NIBAN2: variants seen among roughly 807,000 people sequenced by gnomAD.
NIBAN2 encodes the protein protein Niban 2.
Under a neutral mutation model 81.8 loss-of-function variants are expected in NIBAN2, and 36 were observed. That is an observed-to-expected ratio of 0.44 (90% confidence interval 0.34 to 0.58). NIBAN2 has a LOEUF of 0.58. Ranked by LOEUF, NIBAN2 falls within the 20% of genes least tolerant of loss-of-function variation. NIBAN2 has a pLI of 0.02. For synonymous variants in NIBAN2, 445 were observed against 441.6 expected, an observed-to-expected ratio of 1.01 and a Z score of -0.10; for missense variants, 897 against 1,014.1, an observed-to-expected ratio of 0.88 and a Z score of 1.57.
In NIBAN2 at chr9:127,544,238, G is replaced by A. The variant is rs1837431775; in HGVS notation, c.56-12460C>T. Among the ~76,000 whole-genome samples, 3 of 152,164 alleles carry A rather than the reference G, an allele frequency of 2.0e-5. No homozygotes were observed. In the South Asian group the frequency reaches 6.2e-4, roughly 31 times the overall value. ...GGCGCTGGCCTTGGGAGAGGAGGGT[G>A]GGTTTCTCACAGAGACGGGTATTTC... On this transcript the variant is annotated intron_variant, in intron 1 of 13. Transcript: ENST00000373312.
At chr9:127,512,752 A>T (rs1052215880) in intron 8 of NIBAN2, among the ~76,000 whole-genome samples, 1 of 152,236 alleles carries the variant, frequency 6.6e-6, no homozygotes, top group Admixed American at 6.5e-5. Context: ...GACCTGCCTC[A>T]AATTTTCAGG....
rs753974754 is a variant in NIBAN2 at position 127,508,942 on chromosome 9, G to A, written c.1317+34C>T. 1 of 1,612,376 alleles carries A rather than the reference G, an allele frequency of 6.2e-7. No individual in the cohort carries two copies. The highest frequency in any genetic ancestry group is 8.5e-7 in the Non-Finnish European group (1 of 1,179,484). Reference sequence around the variant, plus strand: ...GGGGGCCTGTGGAAGGCAGTGGACAGGGTGTGGGGTGGGGGTCGTAGCCTC... The same window carrying A: ...GGGGGCCTGTGGAAGGCAGTGGACAAGGTGTGGGGTGGGGGTCGTAGCCTC... On this transcript the variant is annotated intron_variant, in intron 10 of 13. Transcript: ENST00000373312. This position sits in a 1 kb window ranked among gnomAD's most constrained non-coding sequence, Gnocchi z 6.4.
intron 9 of NIBAN2, chr9:127,509,814 T>TCCCTCTCCCCTCCTCTCCTTCCCTCTC (rs569036465): frequency 3.8e-5 from 2 of 52,072 alleles, no homozygotes; most frequent in African/African-American, 1.4e-4. Context: ...CTTCCCTCCT[T>TCCCTCTCCCCTCCTCTCCTTCCCTCTC]CCCTCCTCTC....
chr9:127,534,344 T>C (rs1837236363), intron 1 of NIBAN2, among the ~76,000 whole-genome samples: 1 of 152,160 alleles, frequency 6.6e-6, no homozygotes. Flanking sequence ...ATCCTCTCTA[T>C]AGTTCTGTGA....
chr9:127,536,029 G>A lies in NIBAN2; in HGVS notation c.56-4251C>T, dbSNP rs927986487. Among the ~76,000 whole-genome samples, 1 of 152,166 alleles carries A rather than the reference G, an allele frequency of 6.6e-6. No individual in the cohort carries two copies. The highest frequency in any genetic ancestry group is 6.5e-5 in the Admixed American group (1 of 15,286). On this transcript the variant is annotated intron_variant, in intron 1 of 13. Coordinates refer to ENST00000373312, the MANE Select transcript of NIBAN2 (RefSeq NM_022833.4). The surrounding 1 kb of genome is among the most constrained non-coding windows in gnomAD (Gnocchi z 4.0). ...ACCGGGAAGCCAGCTCCGCTCAGAA[G>A]AAGGGTGGCGACCACGGGAGAGCTA...
chr9:127,521,837 G>C (rs1564300610), intron 5 of NIBAN2, among the ~76,000 whole-genome samples: 1 of 152,166 alleles, frequency 6.6e-6, no homozygotes, highest in Non-Finnish European at 1.5e-5. Context: ...TCCCCACTGA[G>C]TGCTCACTGT....
chr9:127,511,955 G>A (rs1836744525), intron 8 of NIBAN2, among the ~76,000 whole-genome samples: 1 of 152,164 alleles, frequency 6.6e-6, no homozygotes, highest in Non-Finnish European at 1.5e-5. Context: ...AAATGCTAGC[G>A]AGGATGTGGA....
chr9:127,521,377 G>C (rs1488002385), intron 5 of NIBAN2, among the ~76,000 whole-genome samples: 1 of 152,132 alleles, frequency 6.6e-6, no homozygotes, highest in East Asian at 1.9e-4. Context: ...CAGACAGAGG[G>C]GGACCACGGT....
intron 1 of NIBAN2, among the ~76,000 whole-genome samples, chr9:127,535,636 G>C (rs906786359): frequency 4.6e-5 from 7 of 152,150 alleles, no homozygotes; most frequent in African/African-American, 7.2e-5. Context: ...AGGGCCAGGG[G>C]TCCAGGATGC....
chr9:127,558,351 A>G (rs1010619938), intron 1 of NIBAN2, among the ~76,000 whole-genome samples: 2 of 152,114 alleles, frequency 1.3e-5, no homozygotes, highest in African/African-American at 4.8e-5. Context: ...TGGGAGTACG[A>G]AGTCGGAGAG....
chr9:127,521,613 G>T (rs1180402892), intron 5 of NIBAN2, among the ~76,000 whole-genome samples: 4 of 150,160 alleles, frequency 2.7e-5, no homozygotes, highest in African/African-American at 9.9e-5. Context: ...TCCAAGCCCA[G>T]CCTCCAAGAC....
chr9:127,543,556 C>A (rs1837419903), intron 1 of NIBAN2, among the ~76,000 whole-genome samples: 1 of 152,192 alleles, frequency 6.6e-6, no homozygotes, highest in Non-Finnish European at 1.5e-5. Context: ...TAACTTGTCA[C>A]CACAGGCCTG....
At chr9:127,531,468 A>C (rs1837178655) in intron 2 of NIBAN2, among the ~76,000 whole-genome samples, 180 bp downstream of exon 2, 2 of 150,896 alleles carry the variant, frequency 1.3e-5, no homozygotes, top group South Asian at 4.2e-4. Context: ...TGAGTGACAG[A>C]GCGAGACTCT....
intron 1 of NIBAN2, among the ~76,000 whole-genome samples, chr9:127,553,111 G>A (rs563873714): frequency 3.3e-5 from 5 of 152,168 alleles, no homozygotes; most frequent in South Asian, 2.1e-4. Context: ...TAGGATTATC[G>A]GTGATTTTCA....
chr9:127,507,281 G>A lies in NIBAN2; in HGVS notation c.1805C>T (p.Pro602Leu), dbSNP rs1441073820. The A allele has an allele frequency of 1.3e-6, 2 of 1,594,796 alleles. No individual in the cohort carries two copies. The highest frequency in any genetic ancestry group is 2.2e-5 in the South Asian group (2 of 90,126). ...GGCTGACTCCGGGGTGCTGGGGCTG[G>A]GGCTGCCGCCCCCGCCGCTGTTGCT... is the stretch of plus-strand genomic sequence containing the variant. ...EYSNSGGGGSPSPSTPESATL... is the reference protein window; with the variant it reads ...EYSNSGGGGSLSPSTPESATL... The change falls in exon 14 of 14, where the codon CCC becomes CTC. Residue 602 changes from proline to leucine, a missense_variant. Around this residue, in one of 3 missense-constraint regions of NIBAN2, gnomAD observed 619 missense variants for 691.0 expected, o/e 0.90. Transcript: ENST00000373312. This position sits in a 1 kb window ranked among gnomAD's most constrained non-coding sequence, Gnocchi z 6.8.
rs1377573296 is a variant in NIBAN2, at chr9:127,508,428, C to T, written c.1428G>A (p.Val476=). 6.2e-7 allele frequency: 1 copy of T among 1,610,698 alleles called. No homozygotes were observed. The part of the protein sequence containing the change: ...CKSIQRVLER[V]LKKYDYDSSS... ...AGGGCGTGGGGCCGCTCACCTTCAG[C>T]ACCCGCTCCAGGACCCGCTGGATGG... is the stretch of plus-strand genomic sequence containing the variant. The change falls in exon 11 of 14, where the codon GTG becomes GTA. Residue 476 remains valine (V), a synonymous_variant. Transcript: ENST00000373312. This position sits in a 1 kb window ranked among gnomAD's most constrained non-coding sequence, Gnocchi z 6.4.
intron 8 of NIBAN2, among the ~76,000 whole-genome samples, chr9:127,512,858 C>T (rs1265543915): frequency 6.6e-6 from 1 of 152,154 alleles, no homozygotes; most frequent in Non-Finnish European, 1.5e-5. Context: ...TCCAGCAATC[C>T]CACTGCTGGG....
upstream of NIBAN2, among the ~76,000 whole-genome samples, chr9:127,571,031 G>A (rs1465282849): frequency 2.0e-5 from 3 of 152,390 alleles, 1 homozygote; most frequent in Admixed American, 6.5e-5. Flanking sequence ...AGCCCAAACT[G>A]CAGGGTCTGT....
chr9:127,537,365 A>T (rs1837298480), intron 1 of NIBAN2, among the ~76,000 whole-genome samples: 1 of 152,248 alleles, frequency 6.6e-6, no homozygotes, highest in South Asian at 2.1e-4. Context: ...CTCAGCTGAG[A>T]ACAGCAGTCA....
Sources: gnomAD v4.1 joint callset for allele counts (sites outside exome capture counted in the v4.1 genomes callset) on GRCh38, gnomAD v4.1.1 for gene constraint, gnomAD v4.1.1 regional missense constraint, Gnocchi (gnomAD v3.1) non-coding constraint, MANE v1.5 for transcripts, NCBI Gene and HGNC (gene_info 2026-07-23, HGNC 2026-07-21) for gene names.